NSRP1: variants seen among roughly 807,000 people sequenced by gnomAD.
NSRP1 encodes the protein coiled-coil domain containing 55.
In NSRP1, 24 loss-of-function variants were observed where a neutral mutation model predicts 54.7. That is an observed-to-expected ratio of 0.44 (90% CI 0.32 to 0.62). NSRP1 has a LOEUF of 0.62. Among genes scored for constraint, NSRP1 ranks in the 20% least tolerant of loss-of-function variants. NSRP1 has a pLI of 0.06. For missense variants in NSRP1, 596 were observed against 651.2 expected, an observed-to-expected ratio of 0.92 and a Z score of 0.92; for synonymous variants, 210 against 213.8, an observed-to-expected ratio of 0.98 and a Z score of 0.15.
intron 2 of NSRP1, among the ~76,000 whole-genome samples, chr17:30,171,580 T>TA (rs1394753169): frequency 6.6e-6 from 1 of 152,148 alleles, no homozygotes; most frequent in Non-Finnish European, 1.5e-5. Flanking sequence ...GTGCTGGGAT[T>TA]ACAGGCATGA....
At chr17:30,182,865 C>T (rs1597624281) in intron 6 of NSRP1, among the ~76,000 whole-genome samples, 1 of 151,894 alleles carries the variant, frequency 6.6e-6, no homozygotes, top group African/African-American at 2.4e-5. Context: ...ACACAGGAGG[C>T]GGAGGTTGCA....
chr17:30,175,203 T>C (rs1244910296), intron 3 of NSRP1, among the ~76,000 whole-genome samples: 2 of 152,200 alleles, frequency 1.3e-5, no homozygotes, highest in African/African-American at 4.8e-5. Flanking sequence ...TATGTTTCCC[T>C]CTAAGTACTT....
At chr17:30,178,001 A>G (rs778960754) in intron 3 of NSRP1, 70 bp from the exon 4 acceptor site, 1 of 1,504,966 alleles carries the variant, frequency 6.6e-7, no homozygotes, top group African/African-American at 1.4e-5. Flanking sequence ...AACCATTCTC[A>G]AAAAGCATAG....
rs1038839140 is a variant in NSRP1 at position 30,139,108 on chromosome 17, G to A, written c.114+20935G>A. On this transcript the variant is annotated intron_variant, in intron 2 of 6. Coordinates refer to ENST00000247026, the MANE Select transcript of NSRP1 (RefSeq NM_032141.4). ...AATATTTTGTATTTTTAGTAGAGAC[G>A]GGGTTTCACTGTGTTAGCCAGGATG... is the stretch of plus-strand genomic sequence containing the variant. 6.0e-5 allele frequency among the ~76,000 whole-genome samples: 9 copies of A among 150,064 alleles called. No individual in the cohort carries two copies. The South Asian group carries it at 8.5e-4, about 14-fold the overall frequency.
chr17:30,159,083 C>T (rs550983831), intron 2 of NSRP1, among the ~76,000 whole-genome samples: 6 of 152,254 alleles, frequency 3.9e-5, no homozygotes, highest in East Asian at 1.9e-4. Flanking sequence ...TTAATTCTTC[C>T]GATCCATGAA....
chr17:30,181,867 C>T (rs1283756540), intron 6 of NSRP1, among the ~76,000 whole-genome samples: 4 of 151,912 alleles, frequency 2.6e-5, no homozygotes, highest in Non-Finnish European at 5.9e-5. Flanking sequence ...GCCTCGGCCT[C>T]CCAAAGTACT....
At chr17:30,181,144 C>G (rs961398059) in intron 6 of NSRP1, 128 bp downstream of exon 6, 5 of 649,796 alleles carry the variant, frequency 7.7e-6, no homozygotes, top group Non-Finnish European at 1.4e-5. Flanking sequence ...CCAGCCTTAC[C>G]TAACTGAATG....
intron 2 of NSRP1, among the ~76,000 whole-genome samples, chr17:30,147,109 A>ACTTTTT (rs1172178718): frequency 6.7e-6 from 1 of 148,250 alleles, no homozygotes; most frequent in Non-Finnish European, 1.5e-5. Context: ...TGGTATATAG[A>ACTTTTT]CTTTTTCTTT....
At chr17:30,142,019 G>A (rs532196674) in intron 2 of NSRP1, among the ~76,000 whole-genome samples, 1 of 152,094 alleles carries the variant, frequency 6.6e-6, no homozygotes, top group Non-Finnish European at 1.5e-5. Flanking sequence ...TTTTTTAAAT[G>A]TGAATATCTT....
In NSRP1 at chr17:30,119,612, C is replaced by G. The variant is rs137978870; in HGVS notation, c.114+1439C>G. 2.4e-3 allele frequency among the ~76,000 whole-genome samples: 365 copies of G among 152,284 alleles called. 2 individuals carry two copies. Among genetic ancestry groups the G allele is most frequent in the Non-Finnish European group, 3.4e-3 (234 of 68,030 alleles). ...CCGCCTCCTGGGTTCAAGCGTTTCT[C>G]CTGCCTCAGCCTGCTGAGTAGCAGG... On this transcript the variant is annotated intron_variant, in intron 2 of 6. Transcript: ENST00000247026.
chr17:30,171,063 G>T (rs528575118), intron 2 of NSRP1, among the ~76,000 whole-genome samples: 29 of 152,056 alleles, frequency 1.9e-4, no homozygotes, highest in Non-Finnish European at 2.9e-5. Context: ...TTTTTCTTAA[G>T]TATTTTTTTT....
intron 3 of NSRP1, among the ~76,000 whole-genome samples, chr17:30,173,337 T>A (rs9896463): frequency 0.085 from 12,948 of 152,222 alleles, 1,745 homozygotes; most frequent in African/African-American, 0.29. Context: ...TCTCACAAAC[T>A]TGCCCATAGT....
chr17:30,127,396 C>A (rs533499393), intron 2 of NSRP1, among the ~76,000 whole-genome samples: 1 of 152,214 alleles, frequency 6.6e-6, no homozygotes, highest in South Asian at 2.1e-4. Context: ...TTAAGAGATA[C>A]GATGTATAGA....
chr17:30,125,381 A>G (rs2071640733), intron 2 of NSRP1, among the ~76,000 whole-genome samples: 1 of 152,168 alleles, frequency 6.6e-6, no homozygotes, highest in African/African-American at 2.4e-5. Flanking sequence ...TATGAAGCCA[A>G]TTTATCTGTT....
intron 3 of NSRP1, among the ~76,000 whole-genome samples, chr17:30,175,391 C>T (rs1905092848): frequency 6.6e-6 from 1 of 151,668 alleles, no homozygotes; most frequent in African/African-American, 2.4e-5. Context: ...TGGTTTTTTG[C>T]TTGTTTGTTT....
intron 2 of NSRP1, among the ~76,000 whole-genome samples, chr17:30,118,528 A>G (rs922910137): frequency 9.2e-5 from 14 of 152,226 alleles, no homozygotes; most frequent in African/African-American, 2.9e-4. Context: ...ACCATGAGCT[A>G]AGATCACTAT....
chr17:30,178,009 T>G, intron 3 of NSRP1, 62 bp from the exon 4 acceptor site: 1 of 1,528,934 alleles, frequency 6.5e-7, no homozygotes, highest in Non-Finnish European at 9.0e-7. Flanking sequence ...TCAAAAAGCA[T>G]AGACTTTGTT....
chr17:30,156,243 A>T (rs2071960692), intron 2 of NSRP1, among the ~76,000 whole-genome samples: 1 of 140,924 alleles, frequency 7.1e-6, no homozygotes, highest in African/African-American at 2.7e-5. Flanking sequence ...ATCCATCAGG[A>T]AGTTGCTCTA....
intron 2 of NSRP1, among the ~76,000 whole-genome samples, chr17:30,133,109 ATTTTTTTTTTT>A (rs558445432): frequency 3.6e-5 from 4 of 110,932 alleles, no homozygotes; most frequent in African/African-American, 1.5e-4. Context: ...ACACCCAGCT[ATTTTTTTTTTT>A]TTTTTTTTTT....
Sources: gnomAD v4.1 joint callset for allele counts (sites outside exome capture counted in the v4.1 genomes callset) on GRCh38, gnomAD v4.1.1 for gene constraint, MANE v1.5 for transcripts, NCBI Gene and HGNC (gene_info 2026-07-23, HGNC 2026-07-21) for gene names.